The following NELL1 variants were observed in gnomAD, a reference collection of about 807,000 sequenced individuals.
The protein encoded by NELL1 is protein kinase C-binding protein NELL1.
Under a neutral mutation model 107.4 loss-of-function variants are expected in NELL1, and 76 were observed. The observed-to-expected ratio is 0.71, with a 90% confidence interval of 0.59 to 0.86. The LOEUF (loss-of-function observed/expected upper bound fraction) is 0.86. NELL1 is among the 40% of genes least tolerant of loss of function. The pLI is 0.00. For synonymous variants in NELL1, 353 were observed against 341.2 expected, an observed-to-expected ratio of 1.03 and a Z score of -0.38; for missense variants, 1,024 against 1,005.5, an observed-to-expected ratio of 1.02 and a Z score of -0.25.
At chr11:20,935,087 C>T (rs1294844685) in intron 9 of NELL1, among the ~76,000 whole-genome samples, 1 of 152,154 alleles carries the variant, frequency 6.6e-6, no homozygotes, top group African/African-American at 2.4e-5. Context: ...TTATTACTCT[C>T]AATAAATCCT....
At chr11:21,296,653 C>T (rs547659051) in intron 14 of NELL1, among the ~76,000 whole-genome samples, 41 of 151,790 alleles carry the variant, frequency 2.7e-4, no homozygotes, top group Non-Finnish European at 4.3e-4. Context: ...CAGTTGGATT[C>T]GTGTGACTTT....
intron 14 of NELL1, among the ~76,000 whole-genome samples, chr11:21,266,395 A>G (rs1442829213): frequency 6.6e-6 from 1 of 152,062 alleles, no homozygotes; most frequent in African/African-American, 2.4e-5. Context: ...AACCTTGCAC[A>G]GGCTACAGAG....
intron 15 of NELL1, among the ~76,000 whole-genome samples, chr11:21,521,734 A>G (rs1048694635): frequency 3.3e-5 from 5 of 152,100 alleles, no homozygotes; most frequent in African/African-American, 1.2e-4. Flanking sequence ...AACAGTGTAT[A>G]AGTGTTCCTT....
chr11:20,811,633 T>C (rs934162556), intron 3 of NELL1, among the ~76,000 whole-genome samples: 4 of 152,100 alleles, frequency 2.6e-5, no homozygotes, highest in African/African-American at 9.7e-5. Flanking sequence ...TTTTATAGTT[T>C]TCATTGTAGA....
chr11:20,997,781 C>T (rs1274095188), intron 12 of NELL1, among the ~76,000 whole-genome samples: 1 of 151,986 alleles, frequency 6.6e-6, no homozygotes, highest in African/African-American at 2.4e-5. Flanking sequence ...CAGGACCAGC[C>T]TGGGTAACAT....
rs143740709 is a variant in NELL1 at position 21,319,494 on chromosome 11, T to TTATATATATATATA, written c.1550-51349_1550-51336dup. On this transcript the variant is annotated intron_variant, in intron 14 of 19. Coordinates refer to ENST00000357134, the MANE Select transcript of NELL1 (RefSeq NM_006157.5). The stretch of plus-strand genomic sequence containing the variant: ...CATGAGCCACCATGCCCAGCTAAAT[T>TTATATATATATATA]TATATATATATATATATATATATTT... Among the ~76,000 whole-genome samples the TTATATATATATATA allele has an allele frequency of 3.5e-3, 470 of 135,586 alleles. 1 individual carries two copies. The highest frequency in any genetic ancestry group is 5.9e-3 in the Non-Finnish European group (375 of 63,880). 88.9% of individuals were successfully genotyped at this position (135,586 alleles called of 152,430 possible).
At chr11:21,295,454 A>G (rs142919007) in intron 14 of NELL1, among the ~76,000 whole-genome samples, 35 of 152,234 alleles carry the variant, frequency 2.3e-4, no homozygotes, top group Non-Finnish European at 4.0e-4. Flanking sequence ...GACAGACAAA[A>G]AGAGAGAACA....
chr11:20,684,351 T>G (rs1168308708), intron 2 of NELL1, among the ~76,000 whole-genome samples: 1 of 152,134 alleles, frequency 6.6e-6, no homozygotes, highest in Non-Finnish European at 1.5e-5. Flanking sequence ...ATTTCCATTG[T>G]TATGCCTTCA....
chr11:21,485,592 G>C (rs1011103093), intron 15 of NELL1, among the ~76,000 whole-genome samples: 8 of 150,784 alleles, frequency 5.3e-5, no homozygotes, highest in Non-Finnish European at 1.2e-4. Flanking sequence ...CTGTAGGACC[G>C]AGGTGGGAGA....
At chr11:21,432,117 G>A (rs1474088071) in intron 15 of NELL1, among the ~76,000 whole-genome samples, 1 of 152,000 alleles carries the variant, frequency 6.6e-6, no homozygotes, top group Non-Finnish European at 1.5e-5. Flanking sequence ...GGCTCAAGTG[G>A]ACCATAAATT....
chr11:21,391,146 G>A lies in NELL1; in HGVS notation c.1645+20198G>A, dbSNP rs569223363. On this transcript the variant is annotated intron_variant, in intron 15 of 19. Coordinates refer to ENST00000357134, the MANE Select transcript of NELL1 (RefSeq NM_006157.5). ...AGTTTGAACGGGTATAGAATTCTAG[G>A]TTATATAAAACATTTTTCATCAGAA... Among the ~76,000 whole-genome samples the A allele has an allele frequency of 1.5e-4, 23 of 151,738 alleles. No individual in the cohort carries two copies. The South Asian group carries it at 4.8e-3, about 32-fold the overall frequency.
intron 15 of NELL1, among the ~76,000 whole-genome samples, chr11:21,488,207 C>CA (rs1472569432): frequency 6.6e-6 from 1 of 151,904 alleles, no homozygotes; most frequent in Admixed American, 6.6e-5. Context: ...TTTTATTGAA[C>CA]AACTACAGAG....
chr11:20,788,373 T>C (rs577705192), intron 3 of NELL1, among the ~76,000 whole-genome samples: 266 of 152,360 alleles, frequency 1.7e-3, no homozygotes, highest in Admixed American at 3.4e-3. Flanking sequence ...AGTTATTATC[T>C]TTCTTTTTGA....
At chr11:20,748,883 TC>T (rs1564891756) in intron 2 of NELL1, among the ~76,000 whole-genome samples, 3 of 147,630 alleles carry the variant, frequency 2.0e-5, no homozygotes. Flanking sequence ...CATCCATCCA[TC>T]CATCCATCCA....
intron 12 of NELL1, among the ~76,000 whole-genome samples, chr11:21,081,769 T>A (rs1454150574): frequency 6.6e-6 from 1 of 152,156 alleles, no homozygotes; most frequent in Non-Finnish European, 1.5e-5. Flanking sequence ...CTTCTACTCA[T>A]CCAATCTAAT....
chr11:21,238,324 A>C (rs1858262726), intron 14 of NELL1, among the ~76,000 whole-genome samples: 2 of 152,048 alleles, frequency 1.3e-5, no homozygotes, highest in African/African-American at 2.4e-5. Context: ...TCTCCATGGA[A>C]TATTGCCCTA....
chr11:20,778,767 C>A (rs963623189), intron 2 of NELL1, among the ~76,000 whole-genome samples: 1 of 151,656 alleles, frequency 6.6e-6, no homozygotes, highest in Non-Finnish European at 1.5e-5. Flanking sequence ...TCCAAGTACA[C>A]CCCCAGGGTT....
intron 12 of NELL1, among the ~76,000 whole-genome samples, chr11:21,100,222 T>C (rs1854770791): frequency 6.6e-6 from 1 of 152,188 alleles, no homozygotes; most frequent in Admixed American, 6.5e-5. Flanking sequence ...TTCGCCACGT[T>C]GCCCAGGCTG....
At chr11:21,015,329 G>A (rs924098609) in intron 12 of NELL1, among the ~76,000 whole-genome samples, 2 of 152,034 alleles carry the variant, frequency 1.3e-5, no homozygotes, top group African/African-American at 4.8e-5. Flanking sequence ...ATTCGTCCTC[G>A]CCGTTGAAAT....
Sources: allele counts gnomAD v4.1 joint callset (sites outside exome capture counted in the v4.1 genomes callset), GRCh38; gene constraint gnomAD v4.1.1; transcripts MANE v1.5; gene names NCBI Gene and HGNC (gene_info 2026-07-23, HGNC 2026-07-21).